The following CYP2S1 variants were observed in gnomAD, a reference collection of about 807,000 sequenced individuals.
The protein encoded by CYP2S1 is cytochrome P450 2S1.
A neutral mutation model predicts 43.5 loss-of-function variants in CYP2S1; 32 were observed. The observed-to-expected ratio is 0.74, with a 90% CI of 0.56 to 0.99. The LOEUF (loss-of-function observed/expected upper bound fraction) is 0.99, where lower values mean the gene tolerates loss of function less well. CYP2S1 is among the 50% of genes least tolerant of loss of function. CYP2S1 has a pLI of 0.00. For synonymous variants in CYP2S1, 283 were observed against 302.9 expected (o/e 0.93, Z 0.68); for missense variants, 575 against 673.9 (o/e 0.85, Z 1.62).
In CYP2S1 at chr19:41,193,500, G is replaced by C. The variant is rs1030842768; in HGVS notation, c.177+59G>C. 5.8e-6 allele frequency: 8 copies of C among 1,388,668 alleles called. No homozygotes were observed. In the Middle Eastern group the frequency reaches 7.0e-4, roughly 121 times the overall value. The allele number at this position is 1,388,668 out of a possible 1,614,324, so 86.0% of individuals were successfully genotyped here. On this transcript the variant is annotated intron_variant, in intron 1 of 8. Transcript: ENST00000310054. ...GGGAGGATTCCTGGGAGAGAAACCC[G>C]AGTGCCAGGGTGAGGGGCTTTTCGG...
intron 6 of CYP2S1, among the ~76,000 whole-genome samples, chr19:41,202,054 TCGGCC>T (rs1265166539): frequency 6.6e-6 from 1 of 152,072 alleles, no homozygotes; most frequent in East Asian, 1.9e-4. Flanking sequence ...TAGTGCGATC[TCGGCC>T]CACTGCAACC....
At chr19:41,199,971 AAAAAAAAAAAAAAAG>A (rs2033467418) in intron 5 of CYP2S1, among the ~76,000 whole-genome samples, 2 of 99,468 alleles carry the variant, frequency 2.0e-5, no homozygotes, top group African/African-American at 7.9e-5. Context: ...ATTCCATCTC[AAAAAAAAAAAAAAAG>A]AAAAAAAGAA....
chr19:41,206,308 G>A lies in CYP2S1; in HGVS notation c.1335G>A (p.Leu445=), dbSNP rs1313427212. 1.9e-5 allele frequency: 31 copies of A among 1,613,930 alleles called. No homozygotes were observed. The highest frequency in any genetic ancestry group is 2.5e-5 in the Non-Finnish European group (30 of 1,180,024). The part of the protein sequence containing the change: ...LGKRVCLGEG[L]AKAELFLFFT... ...AGCGTGTCTGCCTTGGAGAGGGCCT[G>A]GCAAAAGCGGAGCTCTTCCTCTTCT... The change falls in exon 9 of 9, where the codon CTG becomes CTA. Residue 445 remains leucine (L), a synonymous_variant. Coordinates refer to ENST00000310054, the MANE Select transcript of CYP2S1 (RefSeq NM_030622.8).
intron 2 of CYP2S1, among the ~76,000 whole-genome samples, chr19:41,197,194 C>CAAT (rs748097152): frequency 6.6e-6 from 1 of 151,876 alleles, no homozygotes; most frequent in African/African-American, 2.4e-5. Context: ...GACCTCGTCT[C>CAAT]AATAATAATA....
At chr19:41,203,851 C>A (rs1220215308) in intron 7 of CYP2S1, among the ~76,000 whole-genome samples, 1 of 151,634 alleles carries the variant, frequency 6.6e-6, no homozygotes, top group Non-Finnish European at 1.5e-5. Flanking sequence ...CACCCCCTCC[C>A]TTTCTGCATA....
chr19:41,201,825 A>AG (rs2033493488), intron 6 of CYP2S1, among the ~76,000 whole-genome samples: 1 of 152,032 alleles, frequency 6.6e-6, no homozygotes, highest in Non-Finnish European at 1.5e-5. Context: ...GAAGAGGTTC[A>AG]GGAGTTGCTG....
At chr19:41,200,189 T>C (rs2033470561) in intron 5 of CYP2S1, among the ~76,000 whole-genome samples, 1 of 152,146 alleles carries the variant, frequency 6.6e-6, no homozygotes, top group African/African-American at 2.4e-5. Flanking sequence ...GAATATTTTT[T>C]AGTTTTAACT....
At position 41,203,420 on chromosome 19, in the gene CYP2S1, G is replaced by A. The variant is rs369693778; in HGVS notation, c.977-30G>A. The stretch of plus-strand genomic sequence containing the variant: ...AGGAGGATCCCTGGGCCCTACCCCC[G>A]TCTGACTCCTGCCCTCCTCTTGCTT... On this transcript the variant is annotated intron_variant, in intron 6 of 8. Transcript: ENST00000310054. The A allele has an allele frequency of 4.8e-4, 741 of 1,557,650 alleles. 6 individuals carry two copies. The highest frequency in any genetic ancestry group is 4.3e-4 in the South Asian group (36 of 83,284).
At position 41,201,362 on chromosome 19, in the gene CYP2S1, T is replaced by C. The variant is rs191743223; in HGVS notation, c.966T>C (p.Pro322=). Residue 322 remains proline, a synonymous_variant, in exon 6 of 9, where the codon CCT becomes CCC. Transcript: ENST00000310054. The part of the protein sequence containing the change: ...GYTLLLLMKY[P]HVQKWVREEL... Reference sequence around the variant, plus strand: ...CCCTCCTGCTCCTGATGAAATACCCTCATGTCCAAAGTAAGAGCCTTTTCC... The same window carrying C: ...CCCTCCTGCTCCTGATGAAATACCCCCATGTCCAAAGTAAGAGCCTTTTCC... The C allele has an allele frequency of 6.2e-7, 1 of 1,613,814 alleles. No homozygotes were observed. The highest frequency in any genetic ancestry group is 8.5e-7 in the Non-Finnish European group (1 of 1,179,898).
chr19:41,205,342 T>TTTCTTTCTTTCTTTC (rs1555727533), intron 7 of CYP2S1, among the ~76,000 whole-genome samples: 13 of 111,656 alleles, frequency 1.2e-4, no homozygotes, highest in East Asian at 7.9e-4. Context: ...TTCTTTCTTT[T>TTTCTTTCTTTCTTTC]TTTCTTTCTT....
In CYP2S1 at chr19:41,198,995, C is replaced by T; in HGVS notation, c.834+107C>T. 1 of 1,303,440 alleles carries T rather than the reference C, an allele frequency of 7.7e-7. No individual in the cohort carries two copies. The highest frequency in any genetic ancestry group is 1.0e-6 in the Non-Finnish European group (1 of 960,712). 80.7% of individuals were successfully genotyped at this position (1,303,440 alleles called of 1,614,324 possible). A position where few individuals can be genotyped will look rare whatever the true frequency, so the allele number is the denominator to read the frequency against. ...CAATTGGGTTCCTCTCTCTTTCTCT[C>T]TCTGCATGTCTCTGTGAGTATGAGT... On this transcript the variant is annotated intron_variant, in intron 5 of 8. Coordinates refer to ENST00000310054, the MANE Select transcript of CYP2S1 (RefSeq NM_030622.8). The surrounding 1 kb of genome is among the most constrained non-coding windows in gnomAD (Gnocchi z 4.9).
chr19:41,206,171 C>G, intron 8 of CYP2S1, 72 bp downstream of exon 8: 1 of 1,604,898 alleles, frequency 6.2e-7, no homozygotes, highest in Non-Finnish European at 8.5e-7. Context: ...GCTGGGGGCA[C>G]CCTTCTGCAC....
rs1322710434 is a variant in CYP2S1, at chr19:41,198,571, G to T, written c.603G>T (p.Val201=). ...FSYEDKEFQA[V]VRAAGGTLLG... ...ATGAGGATAAGGAGTTCCAGGCCGT[G>T]GTCCGGGCAGCTGGTGGTACCCTGC... The change falls in exon 4 of 9, where the codon GTG becomes GTT. Residue 201 remains valine (V), a synonymous_variant. Transcript: ENST00000310054. The surrounding 1 kb of genome is among the most constrained non-coding windows in gnomAD (Gnocchi z 4.9). 25 of 1,614,220 alleles carry T rather than the reference G, an allele frequency of 1.5e-5. No homozygotes were observed. The highest frequency in any genetic ancestry group is 2.0e-5 in the Non-Finnish European group (24 of 1,180,038).
At chr19:41,195,605 G>T (rs150574366) in intron 2 of CYP2S1, among the ~76,000 whole-genome samples, 3 of 152,216 alleles carry the variant, frequency 2.0e-5, no homozygotes, top group African/African-American at 7.2e-5. Flanking sequence ...ACCTGACCCG[G>T]CATGTTTGGT....
At position 41,193,360 on chromosome 19, in the gene CYP2S1, GC is replaced by G; in HGVS notation, c.102del (p.Thr37ArgfsTer24). The G allele has an allele frequency of 3.9e-6, 6 of 1,531,498 alleles. No homozygotes were observed. Among genetic ancestry groups the G allele is most frequent in the Admixed American group, 4.1e-5 (2 of 49,282 alleles). 94.9% of individuals were successfully genotyped at this position (1,531,498 alleles called of 1,614,324 possible). ...CCGGGACCAGGGCCCGAGGCCACCT[GC>G]CCCCCGGGCCCACGCCGCTACCACT... ...LSGTRARGHL[P>X]PGPTPLPLLG... On this transcript the variant is annotated frameshift_variant, in exon 1 of 9. Transcript: ENST00000310054. LOFTEE classifies it high-confidence loss of function.
intron 3 of CYP2S1, 68 bp downstream of exon 3, chr19:41,197,996 G>T: frequency 2.0e-6 from 3 of 1,518,520 alleles, no homozygotes; most frequent in Non-Finnish European, 2.6e-6. Context: ...ACTGTGGCTG[G>T]GGGTGGCCCC....
chr19:41,205,354 CTTTCTTTCTTTCTTTCTT>C (rs1217598681), intron 7 of CYP2S1, among the ~76,000 whole-genome samples: 7 of 105,966 alleles, frequency 6.6e-5, no homozygotes, highest in South Asian at 5.6e-4. Context: ...TTCTTTCTTT[CTTTCTTTCTTTCTTTCTT>C]TCTTTCTTTC....
chr19:41,197,992 G>A, intron 3 of CYP2S1, 64 bp downstream of exon 3: 1 of 1,524,404 alleles, frequency 6.6e-7, no homozygotes, highest in Non-Finnish European at 8.8e-7. Context: ...TCCTACTGTG[G>A]CTGGGGGTGG....
At position 41,206,833 on chromosome 19, in the gene CYP2S1, C is replaced by T; in HGVS notation, c.*345C>T. ...CACGTGGGAGTCTGGCTGTCACCTT[C>T]ACAAGCCACAGAAACGGCCACACAT... On this transcript the variant is annotated 3_prime_UTR_variant, in exon 9 of 9. Coordinates refer to ENST00000310054, the MANE Select transcript of CYP2S1 (RefSeq NM_030622.8). 2.0e-6 allele frequency: 1 copy of T among 501,776 alleles called. No individual in the cohort carries two copies. The highest frequency in any genetic ancestry group is 3.9e-6 in the Non-Finnish European group (1 of 257,210). The allele number at this position is 501,776 out of a possible 1,614,324, so 31.1% of individuals were successfully genotyped here.
Sources: allele counts gnomAD v4.1 joint callset (sites outside exome capture counted in the v4.1 genomes callset), GRCh38; gene constraint gnomAD v4.1.1; non-coding constraint Gnocchi (gnomAD v3.1); transcripts MANE v1.5; gene names NCBI Gene and HGNC (gene_info 2026-07-23, HGNC 2026-07-21).